The following CADM2 variants were observed in gnomAD, a reference collection of about 807,000 sequenced individuals.
The protein encoded by CADM2 is cell adhesion molecule 2, also known as immunoglobulin superfamily member 4D.
A neutral mutation model predicts 49.8 loss-of-function variants in CADM2; 12 were observed. The observed-to-expected ratio is 0.24, with a 90% CI of 0.15 to 0.39. The LOEUF is 0.39. CADM2 is among the 10% of genes least tolerant of loss of function. CADM2 has a pLI of 1.00. For synonymous variants in CADM2, 214 were observed against 175.4 expected (o/e 1.22, Z -1.74); for missense variants, 378 against 492.3 (o/e 0.77, Z 2.20).
At chr3:85,259,837 CAT>C (rs970827451) in intron 1 of CADM2, among the ~76,000 whole-genome samples, 7 of 152,022 alleles carry the variant, frequency 4.6e-5, no homozygotes, top group African/African-American at 1.4e-4. Flanking sequence ...ATGGGTCTAA[CAT>C]AAGATGGAAA....
chr3:85,863,613 G>A (rs2075618200), intron 3 of CADM2, among the ~76,000 whole-genome samples: 1 of 152,148 alleles, frequency 6.6e-6, no homozygotes, highest in Admixed American at 6.6e-5. Flanking sequence ...GCAGACACTA[G>A]CACTTTGATG....
chr3:85,336,091 T>A (rs548110475), intron 1 of CADM2, among the ~76,000 whole-genome samples: 1 of 151,612 alleles, frequency 6.6e-6, no homozygotes, highest in African/African-American at 2.4e-5. Context: ...TTCTAAACAT[T>A]ATTTTATAAG....
intron 1 of CADM2, among the ~76,000 whole-genome samples, chr3:85,047,669 G>A (rs768006676): frequency 1.3e-5 from 2 of 152,064 alleles, no homozygotes; most frequent in South Asian, 2.1e-4. Context: ...ATAAGAAAAT[G>A]AGGATAAGTA....
intron 1 of CADM2, among the ~76,000 whole-genome samples, chr3:85,074,121 A>G (rs534064651): frequency 2.6e-5 from 4 of 152,044 alleles, no homozygotes; most frequent in Non-Finnish European, 4.4e-5. Context: ...AGCTCCCGTT[A>G]CCACTTTCAC....
rs201459016 is a variant in CADM2 at position 85,477,277 on chromosome 3, G to C, written c.62-249245G>C. The stretch of plus-strand genomic sequence containing the variant: ...ACACACACACACACACACACATACA[G>C]ACACGTATTAGTTATTTATAGAAAA... On this transcript the variant is annotated intron_variant, in intron 1 of 9. Transcript: ENST00000383699. Among the ~76,000 whole-genome samples, 434 of 97,248 alleles carry C rather than the reference G, an allele frequency of 4.5e-3. 1 individual carries two copies. The highest frequency in any genetic ancestry group is 5.6e-3 in the Non-Finnish European group (253 of 44,912). The allele number at this position is 97,248 out of a possible 152,430, so 63.8% of individuals were successfully genotyped here.
chr3:85,600,246 G>A (rs2063352886), intron 1 of CADM2, among the ~76,000 whole-genome samples: 1 of 151,786 alleles, frequency 6.6e-6, no homozygotes, highest in Admixed American at 6.6e-5. Flanking sequence ...GATACAGAAA[G>A]AACTTAGAAA....
At chr3:86,030,583 T>C (rs1359149532) in intron 8 of CADM2, among the ~76,000 whole-genome samples, 1 of 152,000 alleles carries the variant, frequency 6.6e-6, no homozygotes, top group African/African-American at 2.4e-5. Flanking sequence ...TTTTCAGATT[T>C]GCCCACACAA....
chr3:85,783,120 G>A (rs1277720705), intron 2 of CADM2, among the ~76,000 whole-genome samples: 1 of 152,086 alleles, frequency 6.6e-6, no homozygotes, highest in Non-Finnish European at 1.5e-5. Context: ...AAGAAGATAA[G>A]TAAGAAATAA....
At chr3:85,429,324 C>T (rs1014775538) in intron 1 of CADM2, among the ~76,000 whole-genome samples, 4 of 152,002 alleles carry the variant, frequency 2.6e-5, no homozygotes, top group African/African-American at 4.8e-5. Context: ...ATGCCCCGCA[C>T]GATGAAAACA....
In CADM2 at chr3:84,959,492, G is replaced by T; in HGVS notation, c.-116G>T. On this transcript the variant is annotated 5_prime_UTR_variant, in exon 1 of 10. Transcript: ENST00000383699. ...GTTCGAACACCGCAGCGGTGGGGACGGTGGGTCCGGCGGGCGCCGGGAGGA... is the reference window on the plus strand; with the variant it reads ...GTTCGAACACCGCAGCGGTGGGGACTGTGGGTCCGGCGGGCGCCGGGAGGA... 1.0e-6 allele frequency: 1 copy of T among 1,000,048 alleles called. No homozygotes were observed. Among genetic ancestry groups the T allele is most frequent in the Non-Finnish European group, 1.5e-6 (1 of 675,978 alleles). 61.9% of individuals were successfully genotyped at this position (1,000,048 alleles called of 1,614,324 possible). A position where few individuals can be genotyped will look rare whatever the true frequency, so the allele number is the denominator to read the frequency against.
chr3:85,672,527 A>G (rs2065773735), intron 1 of CADM2, among the ~76,000 whole-genome samples: 1 of 152,104 alleles, frequency 6.6e-6, no homozygotes, highest in African/African-American at 2.4e-5. Flanking sequence ...TAAAATAACC[A>G]TTTGTTCTCT....
chr3:85,435,342 T>C (rs1338658649), intron 1 of CADM2, among the ~76,000 whole-genome samples: 1 of 152,170 alleles, frequency 6.6e-6, no homozygotes, highest in Non-Finnish European at 1.5e-5. Flanking sequence ...GCAAACAACA[T>C]GGACTCATCC....
At chr3:85,744,802 G>A (rs986864489) in intron 2 of CADM2, among the ~76,000 whole-genome samples, 3 of 152,052 alleles carry the variant, frequency 2.0e-5, no homozygotes, top group Non-Finnish European at 4.4e-5. Flanking sequence ...AAATTGGTGG[G>A]GTAACAGGAC....
At chr3:85,449,128 T>C (rs910485657) in intron 1 of CADM2, among the ~76,000 whole-genome samples, 1 of 150,254 alleles carries the variant, frequency 6.7e-6, no homozygotes, top group African/African-American at 2.4e-5. Context: ...TCCTGGAATA[T>C]TTGTATAGAA....
At chr3:85,791,868 C>T (rs532049543) in intron 2 of CADM2, among the ~76,000 whole-genome samples, 5 of 152,042 alleles carry the variant, frequency 3.3e-5, no homozygotes, top group Non-Finnish European at 5.9e-5. Context: ...GGACTACAGG[C>T]GCCCTCCACA....
intron 1 of CADM2, among the ~76,000 whole-genome samples, chr3:85,346,957 A>T (rs2107218726): frequency 6.6e-6 from 1 of 152,268 alleles, no homozygotes; most frequent in East Asian, 1.9e-4. Context: ...AGTAAATTTT[A>T]GTGTTTTTTA....
chr3:84,988,009 G>A (rs958137498), intron 1 of CADM2, among the ~76,000 whole-genome samples: 1 of 152,130 alleles, frequency 6.6e-6, no homozygotes, highest in African/African-American at 2.4e-5. Flanking sequence ...GTCCCGATTT[G>A]GAGCTGTGGC....
intron 1 of CADM2, among the ~76,000 whole-genome samples, chr3:85,166,807 A>G: frequency 6.6e-6 from 1 of 152,002 alleles, no homozygotes; most frequent in East Asian, 1.9e-4. Context: ...GTCATTTTAA[A>G]TACTCGGATG....
intron 1 of CADM2, among the ~76,000 whole-genome samples, chr3:85,050,168 G>C (rs186347294): frequency 6.6e-6 from 1 of 152,016 alleles, no homozygotes; most frequent in African/African-American, 2.4e-5. Context: ...TCACTGACCA[G>C]GAAGCCACTG....
Sources: allele counts gnomAD v4.1 joint callset (sites outside exome capture counted in the v4.1 genomes callset), GRCh38; gene constraint gnomAD v4.1.1; transcripts MANE v1.5; gene names NCBI Gene and HGNC (gene_info 2026-07-23, HGNC 2026-07-21).